SCAP: variants seen among roughly 807,000 people sequenced by gnomAD.
SCAP encodes SREBF chaperone, also known as sterol regulatory element-binding protein cleavage-activating protein.
A neutral mutation model predicts 123.6 loss-of-function variants in SCAP; 65 were observed. That is an observed-to-expected ratio of 0.53 (90% CI 0.43 to 0.65). The LOEUF (loss-of-function observed/expected upper bound fraction) is 0.65, where lower values mean the gene tolerates loss of function less well. Among genes scored for constraint, SCAP ranks in the 30% least tolerant of loss-of-function variants. The pLI, the probability that SCAP is intolerant of heterozygous loss-of-function variation, is 0.00. For synonymous variants in SCAP, 740 were observed against 726.3 expected, an observed-to-expected ratio of 1.02 and a Z score of -0.30; for missense variants, 1,398 against 1,712.5, an observed-to-expected ratio of 0.82 and a Z score of 3.24.
Position 47,414,867 on chromosome 3 carries a change from G to A in SCAP, c.3266C>T (p.Ala1089Val). 3 of 1,611,840 alleles carry A rather than the reference G, an allele frequency of 1.9e-6. No individual in the cohort carries two copies. The highest frequency in any genetic ancestry group is 2.5e-6 in the Non-Finnish European group (3 of 1,179,322). The change falls in exon 20 of 23, where the codon GCT (alanine) becomes GTT (valine). Residue 1089 changes from alanine (A) to valine (V), a missense_variant. Around this residue, in one of 7 missense-constraint regions of SCAP, gnomAD observed 44 missense variants for 64.4 expected, o/e 0.68. Transcript: ENST00000265565. ...TTGGCTCCCAGTCACCAAGCGCCCA[G>A]CAGCGGCTTTCAGGGCTGTGATGGG... ...QKPITALKAAAGRLVTGSQDH... is the reference protein window; with the variant it reads ...QKPITALKAAVGRLVTGSQDH...
Position 47,414,311 on chromosome 3 carries a change from G to A in SCAP, c.3463C>T (p.His1155Tyr). 1 of 1,613,162 alleles carries A rather than the reference G, an allele frequency of 6.2e-7. No individual in the cohort carries two copies. Among genetic ancestry groups the A allele is most frequent in the Non-Finnish European group, 8.5e-7 (1 of 1,180,018 alleles). The change falls in exon 22 of 23, where the codon CAT becomes TAT. Residue 1155 changes from histidine (H) to tyrosine (Y), a missense_variant. Transcript: ENST00000265565. ...WDVLTGSRVS[H>Y]VFAHRGDVTS... ...ACATCCCCACGGTGAGCAAACACAT[G>A]GCTGACCCGGCTGCCAGTCAGTACA... is the stretch of plus-strand genomic sequence containing the variant.
chr3:47,425,664 A>T lies in SCAP; in HGVS notation c.911-53T>A, dbSNP rs933787691. On this transcript the variant is annotated intron_variant, in intron 7 of 22. Transcript: ENST00000265565. ...CGGCCCCTCCCCCAGCCCCCGGCCC[A>T]CTGGGGCTCCCGGGAGTAGGTTGCC... 10 of 1,592,040 alleles carry T rather than the reference A, an allele frequency of 6.3e-6. No homozygotes were observed. The African/African-American group carries it at 1.2e-4, about 19-fold the overall frequency.
chr3:47,426,044 AG>A lies in SCAP; in HGVS notation c.862del (p.Val289Ter). On this transcript the variant is annotated frameshift_variant, in exon 7 of 23. Coordinates refer to ENST00000265565, the MANE Select transcript of SCAP (RefSeq NM_012235.4). LOFTEE classifies it high-confidence loss of function. The stretch of plus-strand genomic sequence containing the variant: ...AAACAAGATGATGTAGGTGGTCACA[AG>A]GGGGATGAGCTCAGCGACACCAATC... ...EEIGVAELIP[L>X]VTTYIILFAY... 8 of 1,614,194 alleles carry A rather than the reference AG, an allele frequency of 5.0e-6. No individual in the cohort carries two copies. Among genetic ancestry groups the A allele is most frequent in the Non-Finnish European group, 6.8e-6 (8 of 1,180,028 alleles).
Position 47,428,687 on chromosome 3 carries a change from G to A in SCAP, c.253-17C>T, listed in dbSNP as rs1559548799. 4.3e-6 allele frequency: 7 copies of A among 1,612,460 alleles called. No homozygotes were observed. In the Middle Eastern group the frequency reaches 5.0e-4, roughly 114 times the overall value. ...ACCCACATACTGCAGAAGAAATGAG[G>A]GAGGGCAGAAAGGGCAGCTGAGCAC... On this transcript the variant is annotated splice_polypyrimidine_tract_variant and intron_variant, in intron 3 of 22. Transcript: ENST00000265565.
At chr3:47,452,034 A>T (rs936714989) in intron 1 of SCAP, among the ~76,000 whole-genome samples, 2 of 152,136 alleles carry the variant, frequency 1.3e-5, no homozygotes, top group Admixed American at 6.6e-5. Flanking sequence ...CAGCTGAAAT[A>T]TCACTTCTAC....
intron 1 of SCAP, among the ~76,000 whole-genome samples, chr3:47,454,204 A>G (rs1707326748): frequency 6.6e-6 from 1 of 151,980 alleles, no homozygotes; most frequent in Non-Finnish European, 1.5e-5. Context: ...TGTCTCTACT[A>G]AAAATACAAA....
At chr3:47,434,469 G>T (rs1057130693) in intron 3 of SCAP, among the ~76,000 whole-genome samples, 1 of 152,134 alleles carries the variant, frequency 6.6e-6, no homozygotes, top group East Asian at 1.9e-4. Flanking sequence ...TCAGTGTTCG[G>T]CCCAGAGACA....
Position 47,427,335 on chromosome 3 carries a change from A to G in SCAP, c.632-73T>C, listed in dbSNP as rs1706179115. The G allele has an allele frequency of 2.0e-5, 31 of 1,536,976 alleles. No individual in the cohort carries two copies. The East Asian group carries it at 6.8e-4, about 33-fold the overall frequency. On this transcript the variant is annotated intron_variant, in intron 5 of 22. Transcript: ENST00000265565. ...CAGAGCCACCAAGGACCCCTTTCTC[A>G]CCCCCACCCTGGGAAACAAAGGGTA...
At chr3:47,441,384 C>A (rs1337460771) in intron 2 of SCAP, among the ~76,000 whole-genome samples, 1 of 152,050 alleles carries the variant, frequency 6.6e-6, no homozygotes, top group Non-Finnish European at 1.5e-5. Context: ...GGGAGGGTCG[C>A]TTGAGCCTAG....
At chr3:47,474,862 T>G (rs1295499252) in intron 1 of SCAP, among the ~76,000 whole-genome samples, 1 of 152,126 alleles carries the variant, frequency 6.6e-6, no homozygotes, top group Non-Finnish European at 1.5e-5. Flanking sequence ...GATACAGCAC[T>G]AACTAGACAC....
chr3:47,460,500 C>T (rs372472350), intron 1 of SCAP, among the ~76,000 whole-genome samples: 14 of 152,190 alleles, frequency 9.2e-5, no homozygotes, highest in African/African-American at 2.4e-4. Context: ...CCAGTCCCTC[C>T]GTTCGGGGTC....
intron 8 of SCAP, 31 bp from the exon 9 acceptor site, chr3:47,424,076 G>A: frequency 6.5e-7 from 1 of 1,544,868 alleles, no homozygotes; most frequent in Non-Finnish European, 8.9e-7. Context: ...GGTGAGGACA[G>A]TGTTGTGGTG....
intron 1 of SCAP, among the ~76,000 whole-genome samples, chr3:47,456,834 C>A (rs926187656): frequency 2.6e-5 from 4 of 151,888 alleles, no homozygotes; most frequent in African/African-American, 9.7e-5. Flanking sequence ...CAATTCATAT[C>A]GCTGACAAGG....
intron 1 of SCAP, among the ~76,000 whole-genome samples, chr3:47,472,083 T>G (rs1441039891): frequency 6.6e-6 from 1 of 151,354 alleles, no homozygotes; most frequent in Non-Finnish European, 1.5e-5. Context: ...ATAGCATCAA[T>G]GCACTCCAGC....
At chr3:47,454,058 C>G (rs770554621) in intron 1 of SCAP, among the ~76,000 whole-genome samples, 1 of 152,088 alleles carries the variant, frequency 6.6e-6, no homozygotes, top group South Asian at 2.1e-4. Context: ...AAAATTCAAC[C>G]CTCATCCTTT....
At position 47,467,562 on chromosome 3, in the gene SCAP, G is replaced by A. The variant is rs557335416; in HGVS notation, c.-99+8237C>T. Among the ~76,000 whole-genome samples the A allele has an allele frequency of 7.3e-5, 11 of 151,570 alleles. 1 individual carries two copies. The highest frequency in any genetic ancestry group is 6.3e-4 in the South Asian group (3 of 4,796). On this transcript the variant is annotated intron_variant, in intron 1 of 22. Coordinates refer to ENST00000265565, the MANE Select transcript of SCAP (RefSeq NM_012235.4). Reference sequence around the variant, plus strand: ...TGAGGCTGCAGTCAACTGTGATTGCGCCACTGCAGTCTGGGCAACAGAGCA... The same window carrying A: ...TGAGGCTGCAGTCAACTGTGATTGCACCACTGCAGTCTGGGCAACAGAGCA...
chr3:47,451,869 T>A (rs992790217), intron 1 of SCAP, among the ~76,000 whole-genome samples: 3 of 62,358 alleles, frequency 4.8e-5, no homozygotes, highest in African/African-American at 1.4e-4. Context: ...CCCGGTCCTC[T>A]GCAACTTCAC....
intron 1 of SCAP, among the ~76,000 whole-genome samples, chr3:47,469,619 A>G (rs1224489462): frequency 6.6e-6 from 1 of 152,188 alleles, no homozygotes; most frequent in Non-Finnish European, 1.5e-5. Flanking sequence ...TTGGCCTCCC[A>G]AAGTGCTGGG....
chr3:47,425,689 C>T, intron 7 of SCAP, 78 bp from the exon 8 acceptor site: 1 of 1,522,336 alleles, frequency 6.6e-7, no homozygotes, highest in South Asian at 1.2e-5. Context: ...AGTAGGTTGC[C>T]CTGACAGTCG....
Sources: gnomAD v4.1 joint callset for allele counts (sites outside exome capture counted in the v4.1 genomes callset) on GRCh38, gnomAD v4.1.1 for gene constraint, gnomAD v4.1.1 regional missense constraint, MANE v1.5 for transcripts, NCBI Gene and HGNC (gene_info 2026-07-23, HGNC 2026-07-21) for gene names.